The following SEMA3E variants were observed in gnomAD, a reference collection of about 807,000 sequenced individuals.
SEMA3E encodes the protein semaphorin-3E.
In SEMA3E, 49 loss-of-function variants were observed where a neutral mutation model predicts 93.6. That is an observed-to-expected ratio of 0.52 (90% CI 0.42 to 0.66). SEMA3E has a LOEUF of 0.66. SEMA3E is among the 30% of genes least tolerant of loss of function. SEMA3E has a pLI of 0.00. For synonymous variants in SEMA3E, 363 were observed against 330.7 expected (o/e 1.10, Z -1.06); for missense variants, 906 against 964.8 (o/e 0.94, Z 0.81).
intron 1 of SEMA3E, among the ~76,000 whole-genome samples, chr7:83,510,439 A>G (rs542882591): frequency 6.6e-6 from 1 of 152,306 alleles, no homozygotes; most frequent in East Asian, 1.9e-4. Flanking sequence ...TGATTTTAAC[A>G]CATCATCTTT....
chr7:83,552,392 T>C (rs1484185036), intron 1 of SEMA3E, among the ~76,000 whole-genome samples: 1 of 152,164 alleles, frequency 6.6e-6, no homozygotes, highest in Non-Finnish European at 1.5e-5. Context: ...ACTGTACAAA[T>C]TGATTGTAAA....
intron 1 of SEMA3E, among the ~76,000 whole-genome samples, chr7:83,575,657 C>T (rs1792385556): frequency 6.6e-6 from 1 of 152,134 alleles, no homozygotes; most frequent in Non-Finnish European, 1.5e-5. Context: ...TTTCACTGGT[C>T]ATTAAATCGT....
intron 4 of SEMA3E, 106 bp downstream of exon 4, chr7:83,466,376 C>T (rs539547085): frequency 8.1e-6 from 11 of 1,358,836 alleles, no homozygotes; most frequent in South Asian, 4.8e-5. Flanking sequence ...TTCAGTACAT[C>T]GCAAATGCTT....
chr7:83,603,374 G>C (rs977674471), intron 1 of SEMA3E, among the ~76,000 whole-genome samples: 1 of 152,114 alleles, frequency 6.6e-6, no homozygotes, highest in Admixed American at 6.5e-5. Flanking sequence ...CTGAAACTTT[G>C]TGACAGGTCC....
At chr7:83,569,674 C>T (rs576464832) in intron 1 of SEMA3E, among the ~76,000 whole-genome samples, 29 of 152,224 alleles carry the variant, frequency 1.9e-4, no homozygotes, top group Admixed American at 1.6e-3. Flanking sequence ...TCAATAAACA[C>T]GAATACATAA....
chr7:83,567,433 T>C (rs967059572), intron 1 of SEMA3E, among the ~76,000 whole-genome samples: 6 of 152,122 alleles, frequency 3.9e-5, no homozygotes, highest in African/African-American at 1.4e-4. Context: ...AGATATTTCA[T>C]CCAACAGCTA....
Position 83,387,023 on chromosome 7 carries a change from A to T in SEMA3E, c.1695T>A (p.His565Gln). 1 of 1,613,352 alleles carries T rather than the reference A, an allele frequency of 6.2e-7. No individual in the cohort carries two copies. Among genetic ancestry groups the T allele is most frequent in the Non-Finnish European group, 8.5e-7 (1 of 1,179,638 alleles). ...CAAAGCACTGCTGAGCTGCATTTCCATGTCGAACATCTTGTCTCCGGAAAC... is the reference window on the plus strand; with the variant it reads ...CAAAGCACTGCTGAGCTGCATTTCCTTGTCGAACATCTTGTCTCCGGAAAC... ...KRRFRRQDVR[H>Q]GNAAQQCFGQ... The change falls in exon 15 of 17, where the codon CAT becomes CAA. Residue 565 changes from histidine to glutamine, a missense_variant. By Grantham distance (24) the His-to-Gln change is conservative. Transcript: ENST00000643230.
chr7:83,484,936 A>C (rs1790222505), intron 2 of SEMA3E, among the ~76,000 whole-genome samples: 1 of 152,188 alleles, frequency 6.6e-6, no homozygotes, highest in South Asian at 2.1e-4. Flanking sequence ...TGAGCAGAAC[A>C]ACAGAGTAAG....
intron 1 of SEMA3E, among the ~76,000 whole-genome samples, chr7:83,551,414 AG>A (rs1791762221): frequency 6.6e-6 from 1 of 152,184 alleles, no homozygotes; most frequent in South Asian, 2.1e-4. Context: ...GCTATTATAA[AG>A]TACCAAACCA....
intron 2 of SEMA3E, among the ~76,000 whole-genome samples, chr7:83,476,120 T>A (rs1392607326): frequency 6.6e-6 from 1 of 152,220 alleles, no homozygotes; most frequent in East Asian, 1.9e-4. Flanking sequence ...AGTGCCTATC[T>A]GGCACAGTGT....
At chr7:83,393,186 T>C (rs61233563) in intron 13 of SEMA3E, among the ~76,000 whole-genome samples, 8,542 of 152,132 alleles carry the variant, frequency 0.056, 798 homozygotes, top group African/African-American at 0.19. Flanking sequence ...CAAGAAGCTG[T>C]GTTCATTATC....
chr7:83,536,246 A>G (rs1791408524), intron 1 of SEMA3E, among the ~76,000 whole-genome samples: 1 of 152,030 alleles, frequency 6.6e-6, no homozygotes. Context: ...TTTAAACTGA[A>G]TCTCCGTTTA....
chr7:83,384,809 A>G (rs1010664998), intron 16 of SEMA3E, among the ~76,000 whole-genome samples: 11 of 152,042 alleles, frequency 7.2e-5, no homozygotes, highest in Admixed American at 5.9e-4. Context: ...TCAATGTCTC[A>G]TATATAATTG....
At chr7:83,550,056 T>G (rs941376797) in intron 1 of SEMA3E, among the ~76,000 whole-genome samples, 1 of 143,372 alleles carries the variant, frequency 7.0e-6, no homozygotes, top group Non-Finnish European at 1.5e-5. Context: ...TTTACGCCAT[T>G]TGAGGTTACA....
rs986438496 is a variant in SEMA3E, at chr7:83,364,638, T to A, written c.*2948A>T. Reference sequence around the variant, plus strand: ...GGATCTCTTGCCCAATGGGTGACGTTGTGCTGAAGGAGGAGGTGAATGGGC... The same window carrying A: ...GGATCTCTTGCCCAATGGGTGACGTAGTGCTGAAGGAGGAGGTGAATGGGC... On this transcript the variant is annotated 3_prime_UTR_variant, in exon 17 of 17. Transcript: ENST00000643230. 3.3e-5 allele frequency: 5 copies of A among 152,242 alleles called. No individual in the cohort carries two copies. Among genetic ancestry groups the A allele is most frequent in the African/African-American group, 1.2e-4 (5 of 41,466 alleles). 9.4% of individuals were successfully genotyped at this position (152,242 alleles called of 1,614,324 possible). A position where few individuals can be genotyped will look rare whatever the true frequency, so the allele number is the denominator to read the frequency against.
In SEMA3E at chr7:83,408,641, G is replaced by A. The variant is rs73170276; in HGVS notation, c.551-154C>T. On this transcript the variant is annotated intron_variant, in intron 5 of 16. Coordinates refer to ENST00000643230, the MANE Select transcript of SEMA3E (RefSeq NM_012431.3). ...ATGGATGGTATAGTAAGACTCCCAG[G>A]GTTTGAGTCCAGAGTCTGTCACTTA... Among the ~76,000 whole-genome samples the A allele has an allele frequency of 0.046, 6,960 of 152,236 alleles. 230 individuals are homozygous for A. Among genetic ancestry groups the A allele is most frequent in the Middle Eastern group, 0.11 (33 of 294 alleles).
chr7:83,557,927 A>G (rs1235729840), intron 1 of SEMA3E, among the ~76,000 whole-genome samples: 2 of 152,132 alleles, frequency 1.3e-5, no homozygotes, highest in Admixed American at 1.3e-4. Context: ...TTAGCTTCTC[A>G]TTTGCACATA....
chr7:83,578,586 T>C (rs1190626522), intron 1 of SEMA3E, among the ~76,000 whole-genome samples: 2 of 152,080 alleles, frequency 1.3e-5, no homozygotes, highest in South Asian at 4.1e-4. Context: ...TAATTTGGTC[T>C]ATTAAAAGGC....
At chr7:83,446,464 A>C (rs954152939) in intron 4 of SEMA3E, among the ~76,000 whole-genome samples, 1 of 152,250 alleles carries the variant, frequency 6.6e-6, no homozygotes, top group Non-Finnish European at 1.5e-5. Flanking sequence ...CGTTTTGTGA[A>C]TACCACTGCA....
Sources: allele counts gnomAD v4.1 joint callset (sites outside exome capture counted in the v4.1 genomes callset), GRCh38; gene constraint gnomAD v4.1.1; transcripts MANE v1.5; gene names NCBI Gene and HGNC (gene_info 2026-07-23, HGNC 2026-07-21).